CATSPERT: variants seen among roughly 807,000 people sequenced by gnomAD.
CATSPERT encodes cation channel sperm-associated targeting subunit tau.
chr2:201,561,870 T>C, the CATSPERT span, among the ~76,000 whole-genome samples: 1 of 148,296 alleles, frequency 6.7e-6, no homozygotes, highest in Non-Finnish European at 1.5e-5. Context: ...TGAGACTCCA[T>C]CTCAAAAAAA....
At chr2:201,492,645 T>A in the CATSPERT span, 1 of 1,528,858 alleles carries the variant, frequency 6.5e-7, no homozygotes, top group Admixed American at 2.0e-5. Context: ...GAATCTCTTT[T>A]AAAAAAGATC....
the CATSPERT span, among the ~76,000 whole-genome samples, chr2:201,519,388 C>T: frequency 6.6e-6 from 1 of 152,126 alleles, no homozygotes; most frequent in African/African-American, 2.4e-5. Context: ...CCCTACAAAA[C>T]CTTCCCCAAA....
chr2:201,606,878 G>A, the CATSPERT span, among the ~76,000 whole-genome samples: 4 of 144,644 alleles, frequency 2.8e-5, no homozygotes, highest in African/African-American at 5.1e-5. Context: ...CAGCTTGGGC[G>A]ATAGAGTAAG....
At chr2:201,509,374 A>G in the CATSPERT span, among the ~76,000 whole-genome samples, 1 of 150,930 alleles carries the variant, frequency 6.6e-6, no homozygotes, top group Admixed American at 6.6e-5. Flanking sequence ...TATTCTGGAT[A>G]TTAACCCCTT....
the CATSPERT span, among the ~76,000 whole-genome samples, chr2:201,612,934 C>A: frequency 7.9e-5 from 12 of 152,170 alleles, no homozygotes; most frequent in Admixed American, 6.5e-5. Flanking sequence ...GTCCCACGCC[C>A]ACGGAGCTTT....
the CATSPERT span, among the ~76,000 whole-genome samples, chr2:201,577,912 T>C: frequency 6.6e-6 from 1 of 152,186 alleles, no homozygotes; most frequent in Non-Finnish European, 1.5e-5. Context: ...GATGGAAATA[T>C]TAATTGGTTT....
the CATSPERT span, among the ~76,000 whole-genome samples, chr2:201,561,032 C>T: frequency 6.6e-6 from 1 of 152,190 alleles, no homozygotes; most frequent in Non-Finnish European, 1.5e-5. Context: ...CGGCCCGCCT[C>T]GGCCTCCCAA....
At chr2:201,574,224 A>G in the CATSPERT span, 1 of 1,604,122 alleles carries the variant, frequency 6.2e-7, no homozygotes, top group Non-Finnish European at 8.5e-7. Context: ...GTGAAAATCC[A>G]TAACCAAAGT....
At chr2:201,545,643 A>AAAAAAAAAAAG in the CATSPERT span, 1 of 880,390 alleles carries the variant, frequency 1.1e-6, no homozygotes, top group Non-Finnish European at 1.6e-6. Flanking sequence ...AAAAAAAAAA[A>AAAAAAAAAAAG]AAAAAAAAAA....
chr2:201,492,746 C>G, the CATSPERT span: 20 of 1,535,228 alleles, frequency 1.3e-5, no homozygotes, highest in Non-Finnish European at 1.5e-5. Flanking sequence ...GAATATTTCC[C>G]CTGAAAACTG....
At chr2:201,543,126 T>C in the CATSPERT span, among the ~76,000 whole-genome samples, 1 of 152,200 alleles carries the variant, frequency 6.6e-6, no homozygotes, top group Non-Finnish European at 1.5e-5. Context: ...CCTCATTGTG[T>C]GTATTCTTGG....
chr2:201,598,801 G>A, the CATSPERT span, among the ~76,000 whole-genome samples: 3 of 152,092 alleles, frequency 2.0e-5, no homozygotes, highest in East Asian at 5.8e-4. Context: ...GGCTGGTCTC[G>A]AACTCCTGAC....
the CATSPERT span, among the ~76,000 whole-genome samples, chr2:201,597,964 G>A: frequency 7.9e-5 from 12 of 152,222 alleles, no homozygotes; most frequent in Admixed American, 2.6e-4. Flanking sequence ...GTCCTAAAGC[G>A]TATGCAATGT....
chr2:201,533,392 C>G, the CATSPERT span, among the ~76,000 whole-genome samples: 1 of 152,132 alleles, frequency 6.6e-6, no homozygotes, highest in Admixed American at 6.5e-5. Context: ...GAGGGCAAGG[C>G]CAAGAACTTC....
the CATSPERT span, chr2:201,536,003 G>A: frequency 3.1e-6 from 5 of 1,612,080 alleles, no homozygotes; most frequent in African/African-American, 2.7e-5. Context: ...GATTTATACA[G>A]ATACTCCTCA....
the CATSPERT span, among the ~76,000 whole-genome samples, chr2:201,556,587 G>A: frequency 6.6e-6 from 1 of 151,682 alleles, no homozygotes; most frequent in South Asian, 2.1e-4. Context: ...AGCACTTTGA[G>A]AGCCCAAGGC....
chr2:201,563,352 T>C, the CATSPERT span, among the ~76,000 whole-genome samples: 1 of 128,776 alleles, frequency 7.8e-6, no homozygotes, highest in Non-Finnish European at 1.6e-5. Context: ...ACTGGGCGGC[T>C]GGCCGGGCGG....
At chr2:201,581,477 A>AATATATATATATAT in the CATSPERT span, among the ~76,000 whole-genome samples, 4 of 14,858 alleles carry the variant, frequency 2.7e-4, no homozygotes, top group Non-Finnish European at 3.3e-4. Context: ...CACATTCCGG[A>AATATATATATATAT]ATATATATAT....
At chr2:201,499,146 A>G in the CATSPERT span, among the ~76,000 whole-genome samples, 3 of 152,204 alleles carry the variant, frequency 2.0e-5, no homozygotes, top group Non-Finnish European at 4.4e-5. Flanking sequence ...AATGAAGTTT[A>G]CCATATATAT....
Sources: gnomAD v4.1 joint callset for allele counts (sites outside exome capture counted in the v4.1 genomes callset) on GRCh38, gnomAD v4.1.1 for gene constraint, MANE v1.5 for transcripts, NCBI Gene and HGNC (gene_info 2026-07-23, HGNC 2026-07-21) for gene names.